SPATA16: variants seen among roughly 807,000 people sequenced by gnomAD.
SPATA16 encodes spermatogenesis associated 16.
Under a neutral mutation model 63.3 loss-of-function variants are expected in SPATA16, and 36 were observed. The observed-to-expected ratio is 0.57, with a 90% CI of 0.44 to 0.75. The LOEUF (loss-of-function observed/expected upper bound fraction) is 0.75, where lower values mean the gene tolerates loss of function less well. Among genes scored for constraint, SPATA16 ranks in the 30% least tolerant of loss-of-function variants. The probability of loss-of-function intolerance (pLI) is 0.00; values close to 1 mark genes in which losing one functional copy is unlikely to be tolerated. For missense variants in SPATA16, 646 were observed against 679.3 expected, an observed-to-expected ratio of 0.95 and a Z score of 0.54; for synonymous variants, 203 against 216.7, an observed-to-expected ratio of 0.94 and a Z score of 0.56.
intron 10 of SPATA16, among the ~76,000 whole-genome samples, chr3:172,910,748 C>T (rs958734925): frequency 2.6e-5 from 4 of 152,194 alleles, no homozygotes; most frequent in Admixed American, 6.5e-5. Context: ...ATGTGCTCCT[C>T]AAGGCCCTCT....
intron 6 of SPATA16, among the ~76,000 whole-genome samples, chr3:172,937,046 T>C (rs1733013838): frequency 6.6e-6 from 1 of 152,126 alleles, no homozygotes; most frequent in Admixed American, 6.6e-5. Flanking sequence ...ACCTACAGGG[T>C]TTCCAGGTAG....
chr3:173,011,864 A>G (rs1735081000), intron 4 of SPATA16, among the ~76,000 whole-genome samples: 2 of 152,134 alleles, frequency 1.3e-5, no homozygotes, highest in Non-Finnish European at 2.9e-5. Context: ...TCTAGGATGG[A>G]GTGCAGTGGC....
chr3:173,078,839 G>A (rs944163471), intron 2 of SPATA16, among the ~76,000 whole-genome samples: 2 of 152,184 alleles, frequency 1.3e-5, no homozygotes, highest in East Asian at 1.9e-4. Flanking sequence ...GTGAGCAGAC[G>A]CAGACAATTT....
At chr3:173,090,001 C>T (rs1324390845) in intron 2 of SPATA16, among the ~76,000 whole-genome samples, 2 of 152,130 alleles carry the variant, frequency 1.3e-5, no homozygotes, top group Non-Finnish European at 2.9e-5. Flanking sequence ...TAAAGAACTA[C>T]CTCAAAGAAA....
rs115142767 is a variant in SPATA16 at position 172,969,283 on chromosome 3, T to G, written c.933+7685A>C. 3.6e-3 allele frequency among the ~76,000 whole-genome samples: 550 copies of G among 152,202 alleles called. 3 individuals carry two copies. The highest frequency in any genetic ancestry group is 0.013 in the African/African-American group (537 of 41,534). On this transcript the variant is annotated intron_variant, in intron 5 of 10. Coordinates refer to ENST00000351008, the MANE Select transcript of SPATA16 (RefSeq NM_031955.6). ...CTGGGAGGTAATCTAATAGTGGGAATATGGAGGGGAGAATCTGGGTCTTAT... is the reference window on the plus strand; with the variant it reads ...CTGGGAGGTAATCTAATAGTGGGAAGATGGAGGGGAGAATCTGGGTCTTAT...
At chr3:173,009,651 C>T (rs1368547880) in intron 4 of SPATA16, among the ~76,000 whole-genome samples, 3 of 152,238 alleles carry the variant, frequency 2.0e-5, no homozygotes, top group Non-Finnish European at 4.4e-5. Flanking sequence ...GACTACAGAC[C>T]GCACCTCTGC....
At chr3:172,916,243 T>TC in intron 9 of SPATA16, 74 bp downstream of exon 9, 9 of 1,555,788 alleles carry the variant, frequency 5.8e-6, no homozygotes, top group Non-Finnish European at 7.9e-6. Flanking sequence ...TTTTTTTTTT[T>TC]TTTTTCCCCA....
chr3:173,135,606 G>C (rs1026356767), intron 1 of SPATA16, among the ~76,000 whole-genome samples: 1 of 152,112 alleles, frequency 6.6e-6, no homozygotes, highest in African/African-American at 2.4e-5. Flanking sequence ...TTAGCAGTGA[G>C]AATAAAGGAA....
At position 172,940,987 on chromosome 3, in the gene SPATA16, GATAAAA is replaced by G. The variant is rs765807017; in HGVS notation, c.1082-15501_1082-15496del. Among the ~76,000 whole-genome samples, 18 of 151,702 alleles carry G rather than the reference GATAAAA, an allele frequency of 1.2e-4. 2 individuals carry two copies. The highest frequency in any genetic ancestry group is 3.3e-4 in the Admixed American group (5 of 15,224). ...GACAGAGAGAGACTCCATCTCAAAA[GATAAAA>G]ATAAAAATAAAATAAGCAAATTACA... is the stretch of plus-strand genomic sequence containing the variant. On this transcript the variant is annotated intron_variant, in intron 6 of 10. Transcript: ENST00000351008.
At chr3:173,138,028 T>G (rs562726836) in intron 1 of SPATA16, among the ~76,000 whole-genome samples, 305 of 152,314 alleles carry the variant, frequency 2.0e-3, no homozygotes, top group Non-Finnish European at 3.3e-3. Context: ...ATCATGTTTT[T>G]GCTCCTTACA....
chr3:173,003,165 A>C (rs933008853), intron 4 of SPATA16, among the ~76,000 whole-genome samples: 2 of 152,178 alleles, frequency 1.3e-5, no homozygotes, highest in African/African-American at 4.8e-5. Context: ...AGAACTGAGA[A>C]TATATAAAGA....
At chr3:173,097,298 T>G (rs1326659733) in intron 2 of SPATA16, among the ~76,000 whole-genome samples, 2 of 152,030 alleles carry the variant, frequency 1.3e-5, no homozygotes, top group African/African-American at 2.4e-5. Context: ...AGTGCAAGAG[T>G]AGTGATGCTT....
At chr3:173,103,751 T>C (rs1269532689) in intron 2 of SPATA16, among the ~76,000 whole-genome samples, 1 of 152,260 alleles carries the variant, frequency 6.6e-6, no homozygotes, top group South Asian at 2.1e-4. Context: ...TTTTCTTGGC[T>C]ATCAGCACCT....
chr3:172,997,813 A>G (rs1267853581), intron 4 of SPATA16, among the ~76,000 whole-genome samples: 3 of 152,064 alleles, frequency 2.0e-5, no homozygotes, highest in African/African-American at 7.2e-5. Context: ...TTATTTTTGC[A>G]TCTGCATGTC....
intron 3 of SPATA16, among the ~76,000 whole-genome samples, chr3:173,043,699 TCAAGTTTCAATCTATTGCCATTTCTTA>T (rs1274962495): frequency 4.6e-5 from 7 of 152,004 alleles, no homozygotes; most frequent in Non-Finnish European, 8.8e-5. Flanking sequence ...TTTTTGTAGT[TCAAGTTTCAATCTATTGCCATTTCTTA>T]CAAGTTTCAA....
At chr3:173,129,429 A>G (rs528436467) in intron 1 of SPATA16, among the ~76,000 whole-genome samples, 1 of 152,314 alleles carries the variant, frequency 6.6e-6, no homozygotes, top group East Asian at 1.9e-4. Context: ...GAGATGATTG[A>G]AAGATTGACA....
At chr3:172,923,161 T>A (rs114804748) in intron 8 of SPATA16, among the ~76,000 whole-genome samples, 2,930 of 152,062 alleles carry the variant, frequency 0.019, 28 homozygotes, top group Middle Eastern at 0.058. Flanking sequence ...GGTCTTTAGG[T>A]TGGTGTTTTG....
intron 5 of SPATA16, among the ~76,000 whole-genome samples, chr3:172,976,558 A>G (rs888147740): frequency 7.2e-5 from 11 of 152,120 alleles, no homozygotes; most frequent in Non-Finnish European, 1.5e-4. Flanking sequence ...TAAATAGTAA[A>G]CAAATACATC....
intron 7 of SPATA16, among the ~76,000 whole-genome samples, chr3:172,925,129 G>T (rs1406485434): frequency 6.6e-6 from 1 of 152,128 alleles, no homozygotes; most frequent in Non-Finnish European, 1.5e-5. Flanking sequence ...ACTGCGGTGG[G>T]TGGGGTAAGA....
Sources: gnomAD v4.1 joint callset for allele counts (sites outside exome capture counted in the v4.1 genomes callset) on GRCh38, gnomAD v4.1.1 for gene constraint, MANE v1.5 for transcripts, NCBI Gene and HGNC (gene_info 2026-07-23, HGNC 2026-07-21) for gene names.